ITGB8: variants seen among roughly 807,000 people sequenced by gnomAD.
The protein encoded by ITGB8 is integrin subunit beta 8.
ITGB8 carries 30 observed loss-of-function variants against 89.5 expected under a neutral mutation model. The observed-to-expected ratio is 0.34, with a 90% confidence interval of 0.25 to 0.45. ITGB8 has a LOEUF of 0.45. Ranked by LOEUF, ITGB8 falls within the 20% of genes least tolerant of loss-of-function variation. The pLI is 1.00. For missense variants in ITGB8, 836 were observed against 933.3 expected (o/e 0.90, Z 1.36); for synonymous variants, 335 against 320.4 (o/e 1.05, Z -0.49).
rs549506478 is a variant in ITGB8, at chr7:20,383,059, A to G, written c.960+1174A>G. ...TGGGAGTGTGCTGCAGTGCACCAAG[A>G]CACCTCACACACAGTTTGGGAATCA... On this transcript the variant is annotated intron_variant, in intron 6 of 13. Coordinates refer to ENST00000222573, the MANE Select transcript of ITGB8 (RefSeq NM_002214.3). Among the ~76,000 whole-genome samples the G allele has an allele frequency of 3.9e-5, 6 of 152,288 alleles. No homozygotes were observed. In the South Asian group the frequency reaches 1.2e-3, roughly 32 times the overall value.
At chr7:20,335,242 A>G (rs1784537081) in intron 1 of ITGB8, among the ~76,000 whole-genome samples, 1 of 152,254 alleles carries the variant, frequency 6.6e-6, no homozygotes, top group Non-Finnish European at 1.5e-5. Flanking sequence ...GGCAACAAGA[A>G]TGTTCACAAT....
intron 6 of ITGB8, among the ~76,000 whole-genome samples, chr7:20,382,600 T>G (rs1786443453): frequency 6.6e-6 from 1 of 152,200 alleles, no homozygotes; most frequent in Non-Finnish European, 1.5e-5. Context: ...CCTCTCCAAC[T>G]TTCTCAGTTC....
intron 8 of ITGB8, among the ~76,000 whole-genome samples, chr7:20,398,118 A>G (rs1201493567): frequency 6.6e-6 from 1 of 152,210 alleles, no homozygotes; most frequent in Non-Finnish European, 1.5e-5. Flanking sequence ...CCTGCCACAC[A>G]ATAGGCATTA....
chr7:20,386,586 G>C (rs1485607514), intron 6 of ITGB8, among the ~76,000 whole-genome samples: 1 of 151,774 alleles, frequency 6.6e-6, no homozygotes, highest in African/African-American at 2.4e-5. Flanking sequence ...AATTTTATAG[G>C]AGAACTAATT....
chr7:20,342,846 G>A (rs1008837215), intron 1 of ITGB8, among the ~76,000 whole-genome samples: 13 of 152,278 alleles, frequency 8.5e-5, no homozygotes, highest in African/African-American at 2.6e-4. Flanking sequence ...TCATTTGTTC[G>A]CAAGTACGGC....
At chr7:20,363,550 A>T in intron 1 of ITGB8, 87 bp from the exon 2 acceptor site, 1 of 659,050 alleles carries the variant, frequency 1.5e-6, no homozygotes, top group Non-Finnish European at 2.3e-6. Flanking sequence ...CATTTGTTTC[A>T]ATTGTTCATT....
chr7:20,401,622 A>G, intron 9 of ITGB8, 99 bp from the exon 10 acceptor site: 1 of 673,094 alleles, frequency 1.5e-6, no homozygotes, highest in Non-Finnish European at 2.3e-6. Context: ...TAATTTCTCT[A>G]AGATGGTTTC....
chr7:20,398,104 T>G (rs1787163654), intron 8 of ITGB8, among the ~76,000 whole-genome samples: 1 of 152,192 alleles, frequency 6.6e-6, no homozygotes, highest in Non-Finnish European at 1.5e-5. Context: ...GAAATTAGTG[T>G]GTGCCTGCCA....
chr7:20,374,165 T>C (rs1786042383), intron 3 of ITGB8, among the ~76,000 whole-genome samples: 1 of 152,200 alleles, frequency 6.6e-6, no homozygotes, highest in Non-Finnish European at 1.5e-5. Flanking sequence ...ACTCTTTTCC[T>C]CTTAGAGAAA....
At chr7:20,343,671 T>C (rs1784833946) in intron 1 of ITGB8, among the ~76,000 whole-genome samples, 1 of 152,366 alleles carries the variant, frequency 6.6e-6, no homozygotes, top group Non-Finnish European at 1.5e-5. Flanking sequence ...TCCCAGATGA[T>C]AATGTCCTGT....
intron 6 of ITGB8, among the ~76,000 whole-genome samples, chr7:20,390,657 A>G (rs934745204): frequency 6.6e-6 from 1 of 152,146 alleles, no homozygotes; most frequent in Non-Finnish European, 1.5e-5. Flanking sequence ...TTGTATAAGC[A>G]GTTGAAATAA....
chr7:20,353,263 T>C (rs140642525), intron 1 of ITGB8: 1 of 152,368 alleles, frequency 6.6e-6, no homozygotes, highest in East Asian at 1.9e-4. Context: ...TAAAGGCCTG[T>C]TGTAATCACA....
In ITGB8 at chr7:20,406,065, T is replaced by C. The variant is rs1239527602; in HGVS notation, c.1917T>C (p.Asn639=). 1.6e-5 allele frequency: 26 copies of C among 1,580,914 alleles called. No homozygotes were observed. In the Middle Eastern group the frequency reaches 8.3e-4, roughly 50 times the overall value. Residue 639 remains asparagine (N), a synonymous_variant, in exon 12 of 14, where the codon AAT becomes AAC. Coordinates refer to ENST00000222573, the MANE Select transcript of ITGB8 (RefSeq NM_002214.3). Reference sequence around the variant, plus strand: ...TCACTTCTGTTTCCCCTTGCAGGAATTGTATGCAATGCCTTCACCCTCACA... The same window carrying C: ...TCACTTCTGTTTCCCCTTGCAGGAACTGTATGCAATGCCTTCACCCTCACA... ...TCYTACKENW[N]CMQCLHPHNL...
chr7:20,411,146 C>CTTTTTTTTTTTTTTTTTTTTTTTTTTTT lies in ITGB8; in HGVS notation c.*1174_*1175insTTTTTTTTTTTTTTTTTTTTTTTTTTTT, dbSNP rs66469619. 1.7e-5 allele frequency: 1 copy of CTTTTTTTTTTTTTTTTTTTTTTTTTTTT among 60,352 alleles called. No individual in the cohort carries two copies. Among genetic ancestry groups the CTTTTTTTTTTTTTTTTTTTTTTTTTTTT allele is most frequent in the Non-Finnish European group, 2.9e-5 (1 of 34,682 alleles). 3.7% of individuals were successfully genotyped at this position (60,352 alleles called of 1,614,324 possible). On this transcript the variant is annotated 3_prime_UTR_variant, in exon 14 of 14. Coordinates refer to ENST00000222573, the MANE Select transcript of ITGB8 (RefSeq NM_002214.3). The stretch of plus-strand genomic sequence containing the variant: ...GAATAGATGATATCTTAGAAATAAG[C>CTTTTTTTTTTTTTTTTTTTTTTTTTTTT]TTTTTTTTTTTTTTTTTTTTTTTTT...
chr7:20,333,634 T>G (rs563441214), intron 1 of ITGB8, among the ~76,000 whole-genome samples: 45 of 152,306 alleles, frequency 3.0e-4, no homozygotes, highest in Admixed American at 9.2e-4. Flanking sequence ...GAAAAAGCAT[T>G]GCATTTCTAC....
In ITGB8 at chr7:20,413,229, G is replaced by A. The variant is rs540285296; in HGVS notation, c.*3232G>A. 7 of 151,822 alleles carry A rather than the reference G, an allele frequency of 4.6e-5. No homozygotes were observed. In the East Asian group the frequency reaches 1.4e-3, roughly 29 times the overall value. 9.4% of individuals were successfully genotyped at this position (151,822 alleles called of 1,614,324 possible). A position where few individuals can be genotyped will look rare whatever the true frequency, so the allele number is the denominator to read the frequency against. Reference sequence around the variant, plus strand: ...GTCTTAAATGTTCAGTTTATCTTTGGTTTATTAAAATAAAAAAAAAATCTA... The same window carrying A: ...GTCTTAAATGTTCAGTTTATCTTTGATTTATTAAAATAAAAAAAAAATCTA... On this transcript the variant is annotated 3_prime_UTR_variant, in exon 14 of 14. Coordinates refer to ENST00000222573, the MANE Select transcript of ITGB8 (RefSeq NM_002214.3).
intron 1 of ITGB8, among the ~76,000 whole-genome samples, chr7:20,337,727 A>G (rs557990948): frequency 6.6e-6 from 1 of 152,328 alleles, no homozygotes; most frequent in Admixed American, 6.5e-5. Context: ...CAAAGGTGAG[A>G]GGAGTCCCTA....
At position 20,380,646 on chromosome 7, in the gene ITGB8, C is replaced by T; in HGVS notation, c.636-20C>T. 1 of 1,603,954 alleles carries T rather than the reference C, an allele frequency of 6.2e-7. No individual in the cohort carries two copies. Among genetic ancestry groups the T allele is most frequent in the East Asian group, 2.2e-5 (1 of 44,778 alleles). Reference sequence around the variant, plus strand: ...TAAGAAGAGCAAAATAAACTTTACACTTCTTCTTTTCCCACACAGTGACTA... The same window carrying T: ...TAAGAAGAGCAAAATAAACTTTACATTTCTTCTTTTCCCACACAGTGACTA... On this transcript the variant is annotated intron_variant, in intron 4 of 13. Coordinates refer to ENST00000222573, the MANE Select transcript of ITGB8 (RefSeq NM_002214.3).
At chr7:20,344,619 C>T (rs543156331) in intron 1 of ITGB8, among the ~76,000 whole-genome samples, 1 of 152,250 alleles carries the variant, frequency 6.6e-6, no homozygotes, top group African/African-American at 2.4e-5. Flanking sequence ...AACAATAGTG[C>T]TTTGTGTGTG....
Sources: allele counts gnomAD v4.1 joint callset (sites outside exome capture counted in the v4.1 genomes callset), GRCh38; gene constraint gnomAD v4.1.1; transcripts MANE v1.5; gene names NCBI Gene and HGNC (gene_info 2026-07-23, HGNC 2026-07-21).